Variants in SLC35G2 observed in about 807,000 individuals in gnomAD.
SLC35G2 encodes solute carrier family 35 member G2.
Under a neutral mutation model 27.2 loss-of-function variants are expected in SLC35G2, and 20 were observed. The ratio of observed to expected loss-of-function variants is 0.74; its 90% CI spans 0.52 to 1.07. SLC35G2 has a LOEUF of 1.07. Ranked by LOEUF, SLC35G2 falls within the 50% of genes least tolerant of loss-of-function variation. SLC35G2 has a pLI of 0.00. For missense variants in SLC35G2, 416 were observed against 493.3 expected, an observed-to-expected ratio of 0.84 and a Z score of 1.48; for synonymous variants, 148 against 165.3, an observed-to-expected ratio of 0.90 and a Z score of 0.80.
chr3:136,846,320 G>A (rs530128893), intron 1 of SLC35G2, among the ~76,000 whole-genome samples: 2 of 152,300 alleles, frequency 1.3e-5, no homozygotes, highest in African/African-American at 4.8e-5. Flanking sequence ...GATAAAAATA[G>A]TCATTTTAAG....
chr3:136,841,092 G>A (rs1206344395), intron 1 of SLC35G2, among the ~76,000 whole-genome samples: 1 of 151,778 alleles, frequency 6.6e-6, no homozygotes, highest in Non-Finnish European at 1.5e-5. Flanking sequence ...GCCTCCCAAA[G>A]TGCTGGGATT....
chr3:136,824,578 G>T (rs899802817), intron 1 of SLC35G2, among the ~76,000 whole-genome samples: 1 of 152,058 alleles, frequency 6.6e-6, no homozygotes, highest in African/African-American at 2.4e-5. Context: ...TTTGTGTCCT[G>T]CAACTTTACT....
chr3:136,847,616 T>C (rs1329623415), intron 1 of SLC35G2, among the ~76,000 whole-genome samples: 1 of 150,784 alleles, frequency 6.6e-6, no homozygotes, highest in Non-Finnish European at 1.5e-5. Flanking sequence ...TATGTTCTTG[T>C]GGGGGCTGGA....
chr3:136,824,198 A>G (rs1936531095), intron 1 of SLC35G2, among the ~76,000 whole-genome samples: 1 of 152,052 alleles, frequency 6.6e-6, no homozygotes. Context: ...AACTTTGGCT[A>G]TTCTGGGTCT....
rs1560023587 is a variant in SLC35G2, at chr3:136,855,722, T to C, written c.*23T>C. 1 of 1,505,758 alleles carries C rather than the reference T, an allele frequency of 6.6e-7. No homozygotes were observed. The allele number at this position is 1,505,758 out of a possible 1,614,324, so 93.3% of individuals were successfully genotyped here. On this transcript the variant is annotated 3_prime_UTR_variant, in exon 2 of 2. Transcript: ENST00000446465. ...TGAATACCTGATTATTATTGTCTCA[T>C]TAATGTTCAGTTATTATGTATACTG...
At chr3:136,847,060 TGGAGGCTGAG>T (rs1198398541) in intron 1 of SLC35G2, among the ~76,000 whole-genome samples, 4 of 152,058 alleles carry the variant, frequency 2.6e-5, no homozygotes, top group South Asian at 4.1e-4. Flanking sequence ...CCAGCTACTC[TGGAGGCTGAG>T]GGAGGCTGAG....
At chr3:136,822,312 T>A (rs1210189485) in intron 1 of SLC35G2, among the ~76,000 whole-genome samples, 2 of 152,082 alleles carry the variant, frequency 1.3e-5, no homozygotes, top group African/African-American at 4.8e-5. Flanking sequence ...CCTTCTACTC[T>A]TTTTCTTTTT....
intron 1 of SLC35G2, among the ~76,000 whole-genome samples, chr3:136,840,550 CTTCT>C (rs1937044947): frequency 6.7e-6 from 1 of 149,548 alleles, no homozygotes; most frequent in African/African-American, 2.5e-5. Context: ...CTCTCCCTTC[CTTCT>C]CTTTTTCTCT....
Position 136,855,823 on chromosome 3 carries a change from A to G in SLC35G2, c.*124A>G, listed in dbSNP as rs1937999683. On this transcript the variant is annotated 3_prime_UTR_variant, in exon 2 of 2. Transcript: ENST00000446465. ...GTGCTATAAAATATATAATATATAC[A>G]AATGCAGAAAATTTATTCTAGTCTA... 1.5e-6 allele frequency: 1 copy of G among 673,366 alleles called. No homozygotes were observed. Among genetic ancestry groups the G allele is most frequent in the Non-Finnish European group, 2.5e-6 (1 of 402,672 alleles). 41.7% of individuals were successfully genotyped at this position (673,366 alleles called of 1,614,324 possible).
rs143865230 is a variant in SLC35G2 at position 136,843,447 on chromosome 3, C to G, written c.-18-10996C>G. The G allele has an allele frequency of 9.7e-3, 1,478 of 151,792 alleles. 14 individuals are homozygous for G. Among genetic ancestry groups the G allele is most frequent in the Non-Finnish European group, 0.016 (1,059 of 68,088 alleles). The allele number at this position is 151,792 out of a possible 1,614,324, so 9.4% of individuals were successfully genotyped here. A position where few individuals can be genotyped will look rare whatever the true frequency, so the allele number is the denominator to read the frequency against. ...TCACTTGAGGCCAGGAGTTCGAGAC[C>G]AGCTTGGCCAATGTGGCAAAACCCT... is the stretch of plus-strand genomic sequence containing the variant. On this transcript the variant is annotated intron_variant, in intron 1 of 1. Transcript: ENST00000446465.
intron 1 of SLC35G2, among the ~76,000 whole-genome samples, chr3:136,840,924 T>C (rs1937064937): frequency 1.2e-5 from 1 of 82,992 alleles, no homozygotes; most frequent in East Asian, 2.8e-4. Context: ...TGCCTGGCCC[T>C]TTTTTTTTTT....
intron 1 of SLC35G2, among the ~76,000 whole-genome samples, chr3:136,832,103 T>G (rs1936744031): frequency 6.6e-6 from 1 of 151,904 alleles, no homozygotes; most frequent in Non-Finnish European, 1.5e-5. Flanking sequence ...AAGCTCTGCC[T>G]CCCGGGTTCA....
chr3:136,836,925 T>C (rs2108007852), intron 1 of SLC35G2, among the ~76,000 whole-genome samples: 1 of 152,352 alleles, frequency 6.6e-6, no homozygotes. Context: ...GCTGACTTCA[T>C]TTCCTGGTCC....
chr3:136,824,998 CGGTG>C (rs1936550265), intron 1 of SLC35G2, among the ~76,000 whole-genome samples: 2 of 152,054 alleles, frequency 1.3e-5, no homozygotes, highest in African/African-American at 4.8e-5. Flanking sequence ...TGAAAACATG[CGGTG>C]TTTGGTTTTC....
At chr3:136,839,859 C>A (rs1351848230) in intron 1 of SLC35G2, among the ~76,000 whole-genome samples, 1 of 152,060 alleles carries the variant, frequency 6.6e-6, no homozygotes, top group African/African-American at 2.4e-5. Context: ...CTTAGCAGCC[C>A]CTACCTCAAT....
Position 136,855,152 on chromosome 3 carries a change from T to G in SLC35G2, c.692T>G (p.Leu231Ter). 6.2e-7 allele frequency: 1 copy of G among 1,614,190 alleles called. No homozygotes were observed. The highest frequency in any genetic ancestry group is 8.5e-7 in the Non-Finnish European group (1 of 1,180,028). ...VDMATVVCSI[L>*]GVCLVMIPNI... The stretch of plus-strand genomic sequence containing the variant: ...ATGGCTACAGTTGTTTGCAGCATCT[T>G]AGGTGTTTGTCTTGTCATGATCCCA... The change falls in exon 2 of 2, where the codon TTA (leucine) becomes TGA (stop). Residue 231 changes from leucine (L) to a stop codon, truncating the protein, a stop_gained. Coordinates refer to ENST00000446465, the MANE Select transcript of SLC35G2 (RefSeq NM_025246.3). LOFTEE classifies it high-confidence loss of function.
intron 1 of SLC35G2, among the ~76,000 whole-genome samples, chr3:136,848,821 C>G (rs1172764398): frequency 3.3e-5 from 5 of 152,104 alleles, no homozygotes; most frequent in African/African-American, 1.2e-4. Context: ...AAAAAATTAC[C>G]TATTGGGTGC....
At chr3:136,821,364 A>G (rs773351305) in intron 1 of SLC35G2, among the ~76,000 whole-genome samples, 11 of 152,222 alleles carry the variant, frequency 7.2e-5, no homozygotes, top group Non-Finnish European at 1.5e-4. Flanking sequence ...AAACAATCCC[A>G]TAATGAACAT....
At position 136,853,432 on chromosome 3, in the gene SLC35G2, C is replaced by G. The variant is rs553966665; in HGVS notation, c.-18-1011C>G. On this transcript the variant is annotated intron_variant, in intron 1 of 1. Transcript: ENST00000446465. Reference sequence around the variant, plus strand: ...CATTTTTAATAGATAGCATAGTATTCCATTGTATGAACATTCATTGTAGTA... The same window carrying G: ...CATTTTTAATAGATAGCATAGTATTGCATTGTATGAACATTCATTGTAGTA... Among the ~76,000 whole-genome samples, 14 of 152,184 alleles carry G rather than the reference C, an allele frequency of 9.2e-5. No homozygotes were observed. The South Asian group carries it at 2.7e-3, about 29-fold the overall frequency.
Sources: gnomAD v4.1 joint callset for allele counts (sites outside exome capture counted in the v4.1 genomes callset) on GRCh38, gnomAD v4.1.1 for gene constraint, MANE v1.5 for transcripts, NCBI Gene and HGNC (gene_info 2026-07-23, HGNC 2026-07-21) for gene names.